The following NCBP1 variants were observed in gnomAD, a reference collection of about 807,000 sequenced individuals.
NCBP1 encodes nuclear cap binding protein subunit 1, also known as nuclear cap-binding protein subunit 1.
NCBP1 carries 16 observed loss-of-function variants against 111.7 expected under a neutral mutation model. The ratio of observed to expected loss-of-function variants is 0.14; its 90% CI spans 0.10 to 0.22. The LOEUF (loss-of-function observed/expected upper bound fraction) is 0.22, where lower values mean the gene tolerates loss of function less well. Among genes scored for constraint, NCBP1 ranks in the 10% least tolerant of loss-of-function variants. The pLI is 1.00. For missense variants in NCBP1, 607 were observed against 957.5 expected (o/e 0.63, Z 4.83); for synonymous variants, 304 against 314.3 (o/e 0.97, Z 0.35).
intron 15 of NCBP1, 139 bp from the exon 16 acceptor site, chr9:97,660,806 TA>T (rs1239533478): frequency 1.4e-5 from 14 of 1,003,202 alleles, no homozygotes; most frequent in Middle Eastern, 2.2e-4. Context: ...TATATGTGAT[TA>T]AATATTGACC....
At chr9:97,658,039 A>G (rs1326285055) in intron 14 of NCBP1, among the ~76,000 whole-genome samples, 1 of 150,472 alleles carries the variant, frequency 6.6e-6, no homozygotes, top group Non-Finnish European at 1.5e-5. Context: ...GGAATCATCT[A>G]TTTATTCATG....
chr9:97,654,993 T>TTTATGAAGTACAGGAA, intron 12 of NCBP1, 49 bp downstream of exon 12: 1 of 1,386,996 alleles, frequency 7.2e-7, no homozygotes, highest in Non-Finnish European at 9.7e-7. Context: ...TTTTACTTCC[T>TTTATGAAGTACAGGAA]GTACTTCATA....
rs1828215413 is a variant in NCBP1 at position 97,672,282 on chromosome 9, T to C, written c.*1083T>C. Reference sequence around the variant, plus strand: ...AATCCTACAACTACTGGTAGTGTTGTTGTGCATTTGCACAAAATAGGTATA... The same window carrying C: ...AATCCTACAACTACTGGTAGTGTTGCTGTGCATTTGCACAAAATAGGTATA... On this transcript the variant is annotated 3_prime_UTR_variant, in exon 23 of 23. Coordinates refer to ENST00000375147, the MANE Select transcript of NCBP1 (RefSeq NM_002486.5). The C allele has an allele frequency of 6.6e-6, 1 of 152,228 alleles. No individual in the cohort carries two copies. The highest frequency in any genetic ancestry group is 2.1e-4 in the South Asian group (1 of 4,834). The allele number at this position is 152,228 out of a possible 1,614,324, so 9.4% of individuals were successfully genotyped here.
intron 14 of NCBP1, among the ~76,000 whole-genome samples, chr9:97,657,410 A>G (rs1485486352): frequency 6.6e-6 from 1 of 152,058 alleles, no homozygotes; most frequent in African/African-American, 2.4e-5. Context: ...GATTGCTCTG[A>G]TATTTCTCAT....
chr9:97,645,733 G>A lies in NCBP1; in HGVS notation c.611+1G>A. On this transcript the variant is annotated splice_donor_variant, in intron 6 of 22. Transcript: ENST00000375147. LOFTEE classifies it high-confidence loss of function. ...TTGCCAACACTGAAAGCTATCTTAA[G>A]TAAGGGCACAGCTCATAGTACTCTT... 1 of 1,613,772 alleles carries A rather than the reference G, an allele frequency of 6.2e-7. No individual in the cohort carries two copies. The highest frequency in any genetic ancestry group is 8.5e-7 in the Non-Finnish European group (1 of 1,179,852).
intron 2 of NCBP1, 86 bp downstream of exon 2, chr9:97,640,968 G>A: frequency 9.5e-7 from 1 of 1,052,070 alleles, no homozygotes; most frequent in Admixed American, 2.7e-5. Context: ...TGAAAAGTTG[G>A]ACTACATTTT....
At chr9:97,662,285 G>A (rs375211715) in intron 17 of NCBP1, 141 bp downstream of exon 17, 2 of 620,312 alleles carry the variant, frequency 3.2e-6, no homozygotes, top group East Asian at 5.7e-5. Flanking sequence ...TGGGTTTGTG[G>A]TAGCTGAAAT....
intron 9 of NCBP1, 118 bp from the exon 10 acceptor site, chr9:97,651,192 G>A: frequency 3.1e-6 from 2 of 649,110 alleles, no homozygotes. Flanking sequence ...CTGAAATCTA[G>A]GACATTTCAA....
At position 97,666,855 on chromosome 9, in the gene NCBP1, A is replaced by G. The variant is rs1048483539; in HGVS notation, c.1994A>G (p.Lys665Arg). Residue 665 changes from lysine to arginine, a missense_variant, in exon 20 of 23, where the codon AAA becomes AGA. Coordinates refer to ENST00000375147, the MANE Select transcript of NCBP1 (RefSeq NM_002486.5). ...IQKELEEAKE[K>R]LARQHKRRSD... ...AAAGAGCTGGAAGAAGCTAAAGAGA[A>G]ACTTGCTAGGCAACACAAACGGGTA... The G allele has an allele frequency of 6.2e-7, 1 of 1,608,322 alleles. No homozygotes were observed.
chr9:97,671,035 TTGCTTATA>T (rs1564032289), intron 22 of NCBP1, 43 bp from the exon 23 acceptor site: 10 of 1,217,582 alleles, frequency 8.2e-6, no homozygotes, highest in Non-Finnish European at 1.1e-5. Context: ...TTCCACAAGA[TTGCTTATA>T]TGCTTTTTCC....
intron 10 of NCBP1, among the ~76,000 whole-genome samples, chr9:97,651,868 G>A (rs1827506684): frequency 6.6e-6 from 1 of 152,128 alleles, no homozygotes; most frequent in South Asian, 2.1e-4. Context: ...GAGCCAAGCA[G>A]TTTAGAAATA....
At chr9:97,650,121 T>C (rs896293591) in intron 8 of NCBP1, among the ~76,000 whole-genome samples, 8 of 152,210 alleles carry the variant, frequency 5.3e-5, no homozygotes, top group African/African-American at 1.9e-4. Flanking sequence ...TGACTTTTTA[T>C]GGCTATGTGG....
chr9:97,652,160 C>T lies in NCBP1; in HGVS notation c.1059+787C>T, dbSNP rs576466209. On this transcript the variant is annotated intron_variant, in intron 10 of 22. Transcript: ENST00000375147. Reference sequence around the variant, plus strand: ...CTGGAACTACAGGTGCACACCACCACGCCCGGCTAATTTTTGTATTTTTAG... The same window carrying T: ...CTGGAACTACAGGTGCACACCACCATGCCCGGCTAATTTTTGTATTTTTAG... 2.6e-4 allele frequency among the ~76,000 whole-genome samples: 40 copies of T among 152,276 alleles called. 1 individual carries two copies. The East Asian group carries it at 5.6e-3, about 21-fold the overall frequency.
intron 20 of NCBP1, 43 bp from the exon 21 acceptor site, chr9:97,668,803 G>A: frequency 6.3e-7 from 1 of 1,593,764 alleles, no homozygotes; most frequent in South Asian, 1.1e-5. Flanking sequence ...TAACACACTG[G>A]AATCTAAATG....
chr9:97,662,245 T>A, intron 17 of NCBP1, 101 bp downstream of exon 17: 1 of 856,508 alleles, frequency 1.2e-6, no homozygotes, highest in African/African-American at 1.7e-5. Flanking sequence ...TATGAAGATC[T>A]TAATAGTGTA....
chr9:97,643,427 CCAAA>C, intron 4 of NCBP1, 67 bp downstream of exon 4: 1 of 1,401,706 alleles, frequency 7.1e-7, no homozygotes. Flanking sequence ...TGAACTACAA[CCAAA>C]TAATTTAAAA....
chr9:97,664,386 A>G lies in NCBP1; in HGVS notation c.1844A>G (p.Asp615Gly). The stretch of plus-strand genomic sequence containing the variant: ...AAGATGATTCGTACACAAATAGTTG[A>G]TTGTGCTGCCGTAGCAAATTGGATC... ...VDKMIRTQIV[D>G]CAAVANWIFS... Residue 615 changes from aspartate to glycine, a missense_variant, in exon 19 of 23, where the codon GAT (aspartate) becomes GGT (glycine). Asp to Gly is a moderately conservative substitution (Grantham distance 94). This residue lies in a region of NCBP1 where 282 missense variants were observed against 376.5 expected (regional missense o/e 0.75). Transcript: ENST00000375147. 1 of 1,613,088 alleles carries G rather than the reference A, an allele frequency of 6.2e-7. No homozygotes were observed.
chr9:97,638,387 C>T (rs150817955), intron 1 of NCBP1, among the ~76,000 whole-genome samples: 12 of 152,306 alleles, frequency 7.9e-5, no homozygotes, highest in African/African-American at 2.9e-4. Context: ...CATACCTTCT[C>T]TTCCCACAGC....
chr9:97,655,799 C>G (rs1587714740), intron 13 of NCBP1, 35 bp downstream of exon 13: 1 of 1,546,128 alleles, frequency 6.5e-7, no homozygotes. Context: ...TTTCTGTAGT[C>G]AAAAAACTAC....
Sources: gnomAD v4.1 joint callset for allele counts (sites outside exome capture counted in the v4.1 genomes callset) on GRCh38, gnomAD v4.1.1 for gene constraint, gnomAD v4.1.1 regional missense constraint, MANE v1.5 for transcripts, NCBI Gene and HGNC (gene_info 2026-07-23, HGNC 2026-07-21) for gene names.